NUP62CL: variants seen among roughly 807,000 people sequenced by gnomAD.
NUP62CL encodes the protein nucleoporin 62 C-terminal like, also known as nucleoporin-62 C-terminal-like protein.
Under a neutral mutation model 15.3 loss-of-function variants are expected in NUP62CL, and 13 were observed. The ratio of observed to expected loss-of-function variants is 0.85; its 90% confidence interval spans 0.55 to 1.35. The LOEUF is 1.35. Among genes scored for constraint, NUP62CL ranks in the 40% most tolerant of loss-of-function variants. The pLI is 0.00. For missense variants in NUP62CL, 123 were observed against 130.6 expected (o/e 0.94, Z 0.28); for synonymous variants, 54 against 49.2 (o/e 1.10, Z -0.41).
At chrX:107,130,640 A>G (rs1206768274) in intron 8 of NUP62CL, among the ~76,000 whole-genome samples, 1 of 111,851 alleles carries the variant, frequency 8.9e-6, no homozygotes, top group Non-Finnish European at 1.9e-5. Context: ...AGATCAAGAA[A>G]GCAACAATTA....
At chrX:107,195,635 A>T (rs906356606) in intron 1 of NUP62CL, among the ~76,000 whole-genome samples, 5 of 111,938 alleles carry the variant, frequency 4.5e-5, no homozygotes, top group Non-Finnish European at 1.9e-5. Flanking sequence ...GAAGGACAAC[A>T]TTTATCTGAA....
chrX:107,162,006 A>C (rs2147804086), intron 4 of NUP62CL, among the ~76,000 whole-genome samples: 1 of 109,510 alleles, frequency 9.1e-6, no homozygotes, highest in African/African-American at 3.3e-5. Flanking sequence ...AAACAAATGA[A>C]AAAAACAGAA....
chrX:107,195,863 T>G (rs753032154), intron 1 of NUP62CL, among the ~76,000 whole-genome samples: 67 of 111,448 alleles, frequency 6.0e-4, no homozygotes, highest in African/African-American at 2.0e-3. Flanking sequence ...AATATTATTA[T>G]AGGTTTTATA....
intron 2 of NUP62CL, among the ~76,000 whole-genome samples, chrX:107,176,558 G>GT (rs35773342): frequency 7.6e-4 from 77 of 101,092 alleles, no homozygotes; most frequent in Admixed American, 1.9e-3. Context: ...TGGGTATAGG[G>GT]TTTTTTTTTT....
At chrX:107,193,505 C>A (rs1256145388) in intron 1 of NUP62CL, among the ~76,000 whole-genome samples, 3 of 111,893 alleles carry the variant, frequency 2.7e-5, no homozygotes, top group Non-Finnish European at 5.6e-5. Context: ...ATGTGAGAAT[C>A]CCAAACTGCT....
intron 1 of NUP62CL, chrX:107,202,542 T>A (rs1297536204): frequency 9.0e-6 from 1 of 110,568 alleles, no homozygotes; most frequent in South Asian, 3.9e-4. Context: ...TAAATCATTT[T>A]AAAAATGTCT....
intron 2 of NUP62CL, among the ~76,000 whole-genome samples, chrX:107,187,766 A>T (rs1470358529): frequency 8.9e-6 from 1 of 112,767 alleles, no homozygotes; most frequent in African/African-American, 3.2e-5. Context: ...AAGAGGGAAA[A>T]CACAAATACA....
rs186130443 is a variant in NUP62CL at position 107,155,571 on chromosome X, G to A, written c.195-1325C>T. Among the ~76,000 whole-genome samples the A allele has an allele frequency of 6.2e-5, 7 of 112,037 alleles. No individual in the cohort carries two copies. In the East Asian group the frequency reaches 8.5e-4, roughly 14 times the overall value. ...TACCACCCATCTGCCTTGAGGCAGC[G>A]TGGTAAGTGCTCCACTTTTGCTGGA... On this transcript the variant is annotated intron_variant, in intron 4 of 8. Transcript: ENST00000372466.
rs773223103 is a variant in NUP62CL at position 107,170,648 on chromosome X, G to A, written c.59-2864C>T. On this transcript the variant is annotated intron_variant, in intron 3 of 8. Transcript: ENST00000372466. ...AGGATGGTCTTGATCTCCTGACCTCGTGATCCACCTGCCTCGGCCTCCCAA... is the reference window on the plus strand; with the variant it reads ...AGGATGGTCTTGATCTCCTGACCTCATGATCCACCTGCCTCGGCCTCCCAA... Among the ~76,000 whole-genome samples, 379 of 110,988 alleles carry A rather than the reference G, an allele frequency of 3.4e-3. 1 individual carries two copies. The highest frequency in any genetic ancestry group is 6.0e-3 in the Non-Finnish European group (318 of 52,950).
At chrX:107,134,729 G>A (rs1925599874) in intron 8 of NUP62CL, among the ~76,000 whole-genome samples, 1 of 111,493 alleles carries the variant, frequency 9.0e-6, no homozygotes. Context: ...AATTACAGGT[G>A]TGAGCCATCA....
chrX:107,146,692 C>G (rs2147796315), intron 8 of NUP62CL, among the ~76,000 whole-genome samples: 1 of 111,449 alleles, frequency 9.0e-6, no homozygotes, highest in Non-Finnish European at 1.9e-5. Flanking sequence ...TTCCCTCAAT[C>G]TATTATAATC....
intron 2 of NUP62CL, among the ~76,000 whole-genome samples, chrX:107,183,321 G>T (rs1048936009): frequency 9.0e-6 from 1 of 110,960 alleles, no homozygotes; most frequent in African/African-American, 3.3e-5. Context: ...AGAAGCCCAG[G>T]AGTGGTGGCT....
intron 8 of NUP62CL, among the ~76,000 whole-genome samples, chrX:107,139,678 TGCTAAGCCA>T (rs1174729709): frequency 8.9e-6 from 1 of 112,259 alleles, no homozygotes; most frequent in Non-Finnish European, 1.9e-5. Flanking sequence ...GTTGCCTGCC[TGCTAAGCCA>T]GTGCCACATT....
chrX:107,168,514 G>A (rs1926568290), intron 3 of NUP62CL, among the ~76,000 whole-genome samples: 1 of 111,549 alleles, frequency 9.0e-6, no homozygotes, highest in Admixed American at 9.5e-5. Context: ...CAAATTCTTT[G>A]TTCCCCATAT....
chrX:107,192,257 ACTC>A (rs956241420), intron 2 of NUP62CL, among the ~76,000 whole-genome samples: 9 of 112,151 alleles, frequency 8.0e-5, no homozygotes, highest in African/African-American at 2.9e-4. Context: ...CTCAGTGAGT[ACTC>A]CTCCTATGGT....
Position 107,153,293 on chromosome X carries a change from A to G in NUP62CL, c.409T>C (p.Leu137=), listed in dbSNP as rs1276891148. The change falls in exon 7 of 9, where the codon TTG becomes CTG. Residue 137 remains leucine, a synonymous_variant. Transcript: ENST00000372466. ...TGCTGCTGTGACAGGATAAAATCCAATTCTTGTTCCAATCTGAATAAAATA... is the reference window on the plus strand; with the variant it reads ...TGCTGCTGTGACAGGATAAAATCCAGTTCTTGTTCCAATCTGAATAAAATA... The part of the protein sequence containing the change: ...KLDQKRLEQE[L]DFILSQQQEL... The G allele has an allele frequency of 8.3e-7, 1 of 1,207,727 alleles. No homozygotes were observed. The highest frequency in any genetic ancestry group is 1.8e-5 in the South Asian group (1 of 56,162).
At chrX:107,150,769 G>C (rs1016113633) in intron 7 of NUP62CL, 3 of 314,121 alleles carry the variant, frequency 9.6e-6, no homozygotes, top group African/African-American at 2.7e-5. Context: ...GAAGTGCTGG[G>C]GTTATAGGCA....
chrX:107,155,804 G>A (rs975485928), intron 4 of NUP62CL, among the ~76,000 whole-genome samples: 2 of 112,634 alleles, frequency 1.8e-5, no homozygotes, highest in Admixed American at 9.3e-5. Context: ...GAACAGCTCC[G>A]GTCTACAGCT....
chrX:107,169,798 G>A (rs1926602970), intron 3 of NUP62CL, among the ~76,000 whole-genome samples: 1 of 106,541 alleles, frequency 9.4e-6, no homozygotes, highest in African/African-American at 3.3e-5. Flanking sequence ...CTGCATTCAA[G>A]ACAGAAAGAA....
Sources: allele counts gnomAD v4.1 joint callset (sites outside exome capture counted in the v4.1 genomes callset), GRCh38; gene constraint gnomAD v4.1.1; transcripts MANE v1.5; gene names NCBI Gene and HGNC (gene_info 2026-07-23, HGNC 2026-07-21).